OXCT1: variants seen among roughly 807,000 people sequenced by gnomAD.
OXCT1 encodes succinyl-CoA:3-ketoacid coenzyme A transferase 1, mitochondrial.
In OXCT1, 27 loss-of-function variants were observed where a neutral mutation model predicts 69.6. The observed-to-expected ratio is 0.39, with a 90% CI of 0.29 to 0.54. The LOEUF is 0.54. Ranked by LOEUF, OXCT1 falls within the 20% of genes least tolerant of loss-of-function variation. The pLI, the probability that OXCT1 is intolerant of heterozygous loss-of-function variation, is 0.72. For synonymous variants in OXCT1, 202 were observed against 217.8 expected (o/e 0.93, Z 0.64); for missense variants, 437 against 650.2 (o/e 0.67, Z 3.57).
chr5:41,815,054 C>T (rs1379214258), intron 7 of OXCT1, among the ~76,000 whole-genome samples: 1 of 151,946 alleles, frequency 6.6e-6, no homozygotes, highest in African/African-American at 2.4e-5. Context: ...ACACTCTGAA[C>T]TCTAGAGGAA....
chr5:41,856,817 A>C (rs1749450281), intron 3 of OXCT1, among the ~76,000 whole-genome samples: 1 of 152,216 alleles, frequency 6.6e-6, no homozygotes, highest in African/African-American at 2.4e-5. Flanking sequence ...CCGGCAAGTT[A>C]AGAATACATT....
chr5:41,839,312 G>C (rs139291256), intron 7 of OXCT1, among the ~76,000 whole-genome samples: 30 of 152,302 alleles, frequency 2.0e-4, no homozygotes, highest in Middle Eastern at 3.4e-3. Context: ...ACTGGTTTCT[G>C]ACAGTTTTAC....
chr5:41,791,785 T>C (rs762208360), intron 13 of OXCT1, among the ~76,000 whole-genome samples: 18 of 152,030 alleles, frequency 1.2e-4, no homozygotes, highest in Non-Finnish European at 2.5e-4. Flanking sequence ...ATCCGCAACT[T>C]CTTTTTTATT....
At chr5:41,816,443 G>A (rs529618947) in intron 7 of OXCT1, among the ~76,000 whole-genome samples, 1 of 152,270 alleles carries the variant, frequency 6.6e-6, no homozygotes, top group East Asian at 1.9e-4. Context: ...TACAAGTAGG[G>A]AGATGCACAA....
intron 1 of OXCT1, among the ~76,000 whole-genome samples, chr5:41,865,011 G>A (rs918144577): frequency 3.3e-5 from 5 of 152,090 alleles, no homozygotes; most frequent in African/African-American, 1.2e-4. Flanking sequence ...AGAGGAAGTT[G>A]GAAGAAAACT....
At chr5:41,772,178 T>C (rs897842991) in intron 13 of OXCT1, among the ~76,000 whole-genome samples, 1 of 152,162 alleles carries the variant, frequency 6.6e-6, no homozygotes, top group Non-Finnish European at 1.5e-5. Context: ...GAAAGTTTAT[T>C]TTCTGATTCC....
At chr5:41,818,577 G>A (rs1453353239) in intron 7 of OXCT1, among the ~76,000 whole-genome samples, 1 of 152,150 alleles carries the variant, frequency 6.6e-6, no homozygotes, top group Non-Finnish European at 1.5e-5. Context: ...AGTCTCTTCT[G>A]ATTATTGTGG....
At chr5:41,799,792 G>A (rs149117697) in intron 11 of OXCT1, among the ~76,000 whole-genome samples, 27 of 152,226 alleles carry the variant, frequency 1.8e-4, no homozygotes, top group Non-Finnish European at 3.2e-4. Context: ...GAGTTGAGTC[G>A]TGTTATCTAA....
At chr5:41,843,653 A>C (rs555739862) in intron 5 of OXCT1, 21 of 453,962 alleles carry the variant, frequency 4.6e-5, no homozygotes, top group South Asian at 3.0e-4. Flanking sequence ...TCACTGCACA[A>C]AATGGAGCCA....
At chr5:41,750,135 G>GTTTTTTTTTTTT (rs11291155) in intron 14 of OXCT1, among the ~76,000 whole-genome samples, 91 of 73,916 alleles carry the variant, frequency 1.2e-3, no homozygotes, top group East Asian at 1.8e-3. Context: ...GTGTTTTTTG[G>GTTTTTTTTTTTT]TTTTTTTTTT....
At chr5:41,840,378 G>T in intron 7 of OXCT1, 73 bp downstream of exon 7, 1 of 1,104,390 alleles carries the variant, frequency 9.1e-7, no homozygotes, top group Admixed American at 1.7e-5. Flanking sequence ...ATGAACTGTG[G>T]TACTTTTTCT....
At chr5:41,753,270 TACAC>T (rs36095905) in intron 14 of OXCT1, among the ~76,000 whole-genome samples, 5 of 148,672 alleles carry the variant, frequency 3.4e-5, no homozygotes, top group African/African-American at 7.4e-5. Flanking sequence ...GTGGCTGCAA[TACAC>T]ACACACACAC....
intron 12 of OXCT1, chr5:41,794,329 C>T (rs1016354659): frequency 1.7e-6 from 1 of 594,142 alleles, no homozygotes; most frequent in African/African-American, 1.9e-5. Context: ...AAGACTGTTT[C>T]CTTCAGTGAG....
chr5:41,794,575 C>T, intron 12 of OXCT1, 102 bp downstream of exon 12: 1 of 1,047,860 alleles, frequency 9.5e-7, no homozygotes, highest in East Asian at 2.5e-5. Flanking sequence ...AGTTTTCTGG[C>T]TGGGAAATGT....
intron 3 of OXCT1, among the ~76,000 whole-genome samples, chr5:41,854,117 T>C (rs1749318174): frequency 6.6e-6 from 1 of 152,106 alleles, no homozygotes; most frequent in African/African-American, 2.4e-5. Context: ...GCTATGAACA[T>C]TTTCCCTATA....
intron 7 of OXCT1, among the ~76,000 whole-genome samples, chr5:41,831,092 G>A (rs1217968730): frequency 2.0e-5 from 3 of 152,116 alleles, no homozygotes; most frequent in African/African-American, 7.2e-5. Flanking sequence ...TCCAAACAGG[G>A]CCAGAGTCAC....
intron 11 of OXCT1, among the ~76,000 whole-genome samples, chr5:41,799,803 T>C (rs1392830408): frequency 1.3e-5 from 2 of 152,294 alleles, no homozygotes; most frequent in East Asian, 1.9e-4. Flanking sequence ...TGTTATCTAA[T>C]TCAACTATTC....
chr5:41,869,159 T>C (rs74948794), intron 1 of OXCT1, among the ~76,000 whole-genome samples: 2,265 of 152,280 alleles, frequency 0.015, 63 homozygotes, highest in African/African-American at 0.052. Flanking sequence ...AAGAGTAAAA[T>C]GGTCCAGTTC....
chr5:41,832,898 G>A (rs1427156853), intron 7 of OXCT1, among the ~76,000 whole-genome samples: 7 of 152,096 alleles, frequency 4.6e-5, no homozygotes, highest in Non-Finnish European at 1.0e-4. Flanking sequence ...TTAAATAGCA[G>A]AACTGATCAA....
Sources: gnomAD v4.1 joint callset for allele counts (sites outside exome capture counted in the v4.1 genomes callset) on GRCh38, gnomAD v4.1.1 for gene constraint, MANE v1.5 for transcripts, NCBI Gene and HGNC (gene_info 2026-07-23, HGNC 2026-07-21) for gene names.